GADL1: variants seen among roughly 807,000 people sequenced by gnomAD.
GADL1 encodes the protein acidic amino acid decarboxylase GADL1.
GADL1 carries 71 observed loss-of-function variants against 69.5 expected under a neutral mutation model. The observed-to-expected ratio is 1.02, with a 90% CI of 0.84 to 1.25. GADL1 has a LOEUF of 1.25. GADL1 is among the 50% of genes most tolerant of loss of function. GADL1 has a pLI of 0.00. For missense variants in GADL1, 737 were observed against 631.8 expected, an observed-to-expected ratio of 1.17 and a Z score of -1.79; for synonymous variants, 254 against 214.4, an observed-to-expected ratio of 1.18 and a Z score of -1.62.
At chr3:30,778,464 G>T (rs1020889767) in intron 13 of GADL1, among the ~76,000 whole-genome samples, 196 bp from the exon 14 acceptor site, 16 of 152,074 alleles carry the variant, frequency 1.1e-4, no homozygotes, top group African/African-American at 3.9e-4. Context: ...TCCATAGCGT[G>T]CACCTAGCAG....
At chr3:30,883,220 G>C (rs950466989) in intron 1 of GADL1, among the ~76,000 whole-genome samples, 1 of 151,848 alleles carries the variant, frequency 6.6e-6, no homozygotes, top group African/African-American at 2.4e-5. Context: ...ATAAATCATT[G>C]CCAAATCCAA....
intron 11 of GADL1, among the ~76,000 whole-genome samples, chr3:30,829,311 A>G (rs1451470815): frequency 6.6e-6 from 1 of 151,870 alleles, no homozygotes; most frequent in African/African-American, 2.4e-5. Flanking sequence ...AAGCAGTCCT[A>G]TTTACTAACA....
intron 11 of GADL1, among the ~76,000 whole-genome samples, chr3:30,816,172 G>A (rs866735418): frequency 2.6e-5 from 4 of 152,024 alleles, no homozygotes; most frequent in Admixed American, 2.6e-4. Context: ...AGGAATTTGC[G>A]ATATGTACTG....
At chr3:30,802,038 T>C (rs560051201) in intron 11 of GADL1, among the ~76,000 whole-genome samples, 238 of 152,330 alleles carry the variant, frequency 1.6e-3, no homozygotes, top group Middle Eastern at 6.8e-3. Context: ...GCAGTCTACT[T>C]ATAAGCTGCG....
At chr3:30,790,087 C>T (rs554533396) in intron 12 of GADL1, among the ~76,000 whole-genome samples, 47 of 152,320 alleles carry the variant, frequency 3.1e-4, no homozygotes, top group African/African-American at 1.1e-3. Flanking sequence ...CCTCACTAAG[C>T]TTTAACCATT....
At chr3:30,809,455 T>C (rs907679631) in intron 11 of GADL1, among the ~76,000 whole-genome samples, 9 of 152,208 alleles carry the variant, frequency 5.9e-5, no homozygotes, top group African/African-American at 7.2e-5. Context: ...TTGTGCTCCA[T>C]TGGATGTTTC....
rs1169800687 is a variant in GADL1, at chr3:30,728,362, G to A, written c.1446C>T (p.Gly482=). Residue 482 remains glycine (G), a synonymous_variant, in exon 15 of 15, where the codon GGC becomes GGT. Transcript: ENST00000282538. ...RMMKKGSLML[G]YQPHRGKVNF... ...TGACCTTTCCCCGGTGCGGCTGGTA[G>A]CCCAGCATCAAGCTTCCCTTCTTCA... The A allele has an allele frequency of 6.2e-7, 1 of 1,613,810 alleles. No individual in the cohort carries two copies. The highest frequency in any genetic ancestry group is 8.5e-7 in the Non-Finnish European group (1 of 1,179,794).
At chr3:30,878,170 TACTCTCAGTTAAATAATGCTCTACAAA>T (rs1317043997) in intron 1 of GADL1, among the ~76,000 whole-genome samples, 2 of 151,944 alleles carry the variant, frequency 1.3e-5, no homozygotes, top group African/African-American at 2.4e-5. Context: ...GGTTAAATGA[TACTCTCAGTTAAATAATGCTCTACAAA>T]ACACCTTGTC....
chr3:30,793,650 A>G (rs1396385939), intron 12 of GADL1, among the ~76,000 whole-genome samples: 1 of 152,306 alleles, frequency 6.6e-6, no homozygotes, highest in Non-Finnish European at 1.5e-5. Context: ...TTAATGATAA[A>G]CTTGCTGCAA....
chr3:30,768,338 G>A (rs186823975), intron 14 of GADL1, among the ~76,000 whole-genome samples: 3 of 152,102 alleles, frequency 2.0e-5, no homozygotes, highest in Admixed American at 6.5e-5. Flanking sequence ...TTATGAGAAG[G>A]GACTACTTGT....
chr3:30,855,413 T>A (rs1698214318), intron 3 of GADL1, among the ~76,000 whole-genome samples: 1 of 152,066 alleles, frequency 6.6e-6, no homozygotes, highest in Non-Finnish European at 1.5e-5. Flanking sequence ...TCATATACAT[T>A]TCACTCACAG....
intron 11 of GADL1, among the ~76,000 whole-genome samples, chr3:30,819,699 A>G (rs1195938280): frequency 6.6e-6 from 1 of 152,142 alleles, no homozygotes; most frequent in Non-Finnish European, 1.5e-5. Flanking sequence ...AATAAATGCA[A>G]AAAGTGATTC....
At chr3:30,790,425 A>AATGGCACTTGATAGACTTGCTCCAT (rs1216082532) in intron 12 of GADL1, among the ~76,000 whole-genome samples, 1 of 152,192 alleles carries the variant, frequency 6.6e-6, no homozygotes, top group African/African-American at 2.4e-5. Context: ...CTGTTGGGAA[A>AATGGCACTTGATAGACTTGCTCCAT]ATGGCACTTG....
At chr3:30,819,321 A>T (rs1697529864) in intron 11 of GADL1, among the ~76,000 whole-genome samples, 1 of 152,008 alleles carries the variant, frequency 6.6e-6, no homozygotes, top group Non-Finnish European at 1.5e-5. Flanking sequence ...TTTGTATAAG[A>T]TGTCCTTCCA....
intron 14 of GADL1, among the ~76,000 whole-genome samples, chr3:30,733,526 A>T (rs116577825): frequency 6.6e-6 from 1 of 151,952 alleles, no homozygotes. Flanking sequence ...CAAAACTATC[A>T]CTGAGACTTA....
chr3:30,797,129 T>G (rs910006949), intron 12 of GADL1, among the ~76,000 whole-genome samples: 3 of 152,206 alleles, frequency 2.0e-5, no homozygotes, highest in Admixed American at 1.3e-4. Flanking sequence ...GTTTGCCTTC[T>G]TGGCCTTCTG....
intron 13 of GADL1, among the ~76,000 whole-genome samples, chr3:30,782,700 TAGA>T (rs1273849295): frequency 2.0e-5 from 3 of 152,090 alleles, no homozygotes; most frequent in East Asian, 1.9e-4. Flanking sequence ...GACAAAGTGT[TAGA>T]AGAATATTTA....
intron 11 of GADL1, among the ~76,000 whole-genome samples, chr3:30,827,115 T>A (rs1389166440): frequency 2.6e-5 from 4 of 151,912 alleles, no homozygotes; most frequent in Non-Finnish European, 5.9e-5. Flanking sequence ...GTAAAAAATT[T>A]AAAACACATT....
intron 11 of GADL1, among the ~76,000 whole-genome samples, chr3:30,830,899 G>C (rs1169406273): frequency 6.6e-6 from 1 of 151,838 alleles, no homozygotes; most frequent in African/African-American, 2.4e-5. Flanking sequence ...TCGTTCAGTT[G>C]CTGTATCAGT....
Sources: gnomAD v4.1 joint callset for allele counts (sites outside exome capture counted in the v4.1 genomes callset) on GRCh38, gnomAD v4.1.1 for gene constraint, MANE v1.5 for transcripts, NCBI Gene and HGNC (gene_info 2026-07-23, HGNC 2026-07-21) for gene names.